Variants in NADSYN1 observed in about 807,000 individuals in gnomAD.
NADSYN1 encodes glutamine-dependent NAD(+) synthetase.
In NADSYN1, 80 loss-of-function variants were observed where a neutral mutation model predicts 99.3. The observed-to-expected ratio is 0.81, with a 90% CI of 0.67 to 0.97. NADSYN1 has a LOEUF of 0.97. Ranked by LOEUF, NADSYN1 falls within the 50% of genes least tolerant of loss-of-function variation. NADSYN1 has a pLI of 0.00. For synonymous variants in NADSYN1, 385 were observed against 372.1 expected (o/e 1.03, Z -0.40); for missense variants, 859 against 948.5 (o/e 0.91, Z 1.24).
Position 71,455,182 on chromosome 11 carries a change from C to G in NADSYN1, c.146+12C>G. On this transcript the variant is annotated intron_variant, in intron 2 of 20. Coordinates refer to ENST00000319023, the MANE Select transcript of NADSYN1 (RefSeq NM_018161.5). ...GAGCTGGAAATATGGTGAGAACAGA[C>G]ACAGACACCCTGGGGTCGTCAGCTA... 6.2e-7 allele frequency: 1 copy of G among 1,610,248 alleles called. No individual in the cohort carries two copies. The highest frequency in any genetic ancestry group is 8.5e-7 in the Non-Finnish European group (1 of 1,178,022).
At chr11:71,495,284 G>A (rs952325163) in intron 18 of NADSYN1, among the ~76,000 whole-genome samples, 14 of 152,200 alleles carry the variant, frequency 9.2e-5, no homozygotes, top group Non-Finnish European at 1.5e-4. Context: ...TTGATCCATT[G>A]ATTATTTAGG....
At chr11:71,462,277 C>G (rs543291685) in intron 3 of NADSYN1, among the ~76,000 whole-genome samples, 1 of 152,194 alleles carries the variant, frequency 6.6e-6, no homozygotes, top group Non-Finnish European at 1.5e-5. Flanking sequence ...CTCTCTGAAG[C>G]CTGCTACTTG....
intron 14 of NADSYN1, among the ~76,000 whole-genome samples, chr11:71,483,836 A>T (rs1298778243): frequency 6.6e-6 from 1 of 152,244 alleles, no homozygotes; most frequent in Non-Finnish European, 1.5e-5. Context: ...GTCCATTCAC[A>T]CGGTGGAATA....
At position 71,481,962 on chromosome 11, in the gene NADSYN1, G is replaced by T. The variant is rs1224501462; in HGVS notation, c.1087G>T (p.Ala363Ser). 1 of 1,606,754 alleles carries T rather than the reference G, an allele frequency of 6.2e-7. No individual in the cohort carries two copies. Among genetic ancestry groups the T allele is most frequent in the African/African-American group, 1.3e-5 (1 of 74,848 alleles). Residue 363 changes from alanine (A) to serine (S), a missense_variant, in exon 13 of 21, where the codon GCA becomes TCA. Ala to Ser is a moderately conservative substitution (Grantham distance 99, BLOSUM62 1). Coordinates refer to ENST00000319023, the MANE Select transcript of NADSYN1 (RefSeq NM_018161.5). ...LLPLSGGVDS[A>S]ATACLIYSMC... Reference sequence around the variant, plus strand: ...GCCCTTGAGTGGCGGGGTGGACAGCGCAGCCACCGCCTGCCTCATCTACTC... The same window carrying T: ...GCCCTTGAGTGGCGGGGTGGACAGCTCAGCCACCGCCTGCCTCATCTACTC...
intron 14 of NADSYN1, 124 bp downstream of exon 14, chr11:71,483,141 T>C: frequency 2.6e-6 from 3 of 1,173,980 alleles, no homozygotes; most frequent in Non-Finnish European, 3.7e-6. Flanking sequence ...ATCCACTATG[T>C]GGATAAACGT....
At chr11:71,474,071 GC>G (rs1949647755) in intron 8 of NADSYN1, among the ~76,000 whole-genome samples, 1 of 152,238 alleles carries the variant, frequency 6.6e-6, no homozygotes, top group African/African-American at 2.4e-5. Context: ...TAGCTGAGCC[GC>G]GTTTGAGTCT....
chr11:71,480,947 C>G, intron 11 of NADSYN1, 68 bp downstream of exon 11: 1 of 1,588,496 alleles, frequency 6.3e-7, no homozygotes, highest in South Asian at 1.1e-5. Flanking sequence ...GTGGGGACTC[C>G]TGGAGGTCAC....
chr11:71,494,491 T>C (rs935556692), intron 18 of NADSYN1, among the ~76,000 whole-genome samples: 5 of 152,190 alleles, frequency 3.3e-5, no homozygotes, highest in Non-Finnish European at 1.5e-5. Context: ...AACGTATCCC[T>C]GTCATTCAGT....
At chr11:71,470,060 A>G (rs538400384) in intron 5 of NADSYN1, among the ~76,000 whole-genome samples, 2 of 152,246 alleles carry the variant, frequency 1.3e-5, no homozygotes, top group South Asian at 2.1e-4. Context: ...GAGGCCTCAC[A>G]ATCACGGCAG....
Position 71,458,834 on chromosome 11 carries a change from G to C in NADSYN1, c.263+290G>C, listed in dbSNP as rs370249705. On this transcript the variant is annotated intron_variant, in intron 3 of 20. Coordinates refer to ENST00000319023, the MANE Select transcript of NADSYN1 (RefSeq NM_018161.5). ...GGGAATGCAGCATTCACCCCACCCCGTGCAGAGAGCTTGACTCACATCACA... is the reference window on the plus strand; with the variant it reads ...GGGAATGCAGCATTCACCCCACCCCCTGCAGAGAGCTTGACTCACATCACA... The C allele has an allele frequency of 1.3e-5, 4 of 318,284 alleles. No individual in the cohort carries two copies. The East Asian group carries it at 2.6e-4, about 21-fold the overall frequency. The allele number at this position is 318,284 out of a possible 1,614,324, so 19.7% of individuals were successfully genotyped here. A position where few individuals can be genotyped will look rare whatever the true frequency, so the allele number is the denominator to read the frequency against.
chr11:71,463,343 G>A, intron 3 of NADSYN1, 89 bp from the exon 4 acceptor site: 1 of 1,179,222 alleles, frequency 8.5e-7, no homozygotes, highest in Non-Finnish European at 1.3e-6. Context: ...AAAGTAAAAT[G>A]CATGATTCCA....
chr11:71,491,102 G>A, intron 17 of NADSYN1, 126 bp downstream of exon 17: 1 of 1,321,516 alleles, frequency 7.6e-7, no homozygotes, highest in Non-Finnish European at 1.0e-6. Context: ...TCCTGCCCCT[G>A]AGCTGGCACT....
At chr11:71,470,529 A>G (rs567339472) in intron 5 of NADSYN1, among the ~76,000 whole-genome samples, 1 of 152,340 alleles carries the variant, frequency 6.6e-6, no homozygotes, top group South Asian at 2.1e-4. Flanking sequence ...ACTCTTTTGC[A>G]TAATATATTT....
At position 71,464,091 on chromosome 11, in the gene NADSYN1, A is replaced by G. The variant is rs745591894; in HGVS notation, c.356A>G (p.Asn119Ser). The G allele has an allele frequency of 2.4e-5, 38 of 1,612,754 alleles. No individual in the cohort carries two copies. The highest frequency in any genetic ancestry group is 3.1e-5 in the Non-Finnish European group (36 of 1,179,562). The change falls in exon 5 of 21, where the codon AAT becomes AGT. Residue 119 changes from asparagine (N) to serine (S), a missense_variant. Asn to Ser is a conservative substitution (Grantham distance 46). Coordinates refer to ENST00000319023, the MANE Select transcript of NADSYN1 (RefSeq NM_018161.5). ...ATCAGACCCAAGATGGCCTTGGCCA[A>G]TGAAGGCAACTACCGCGAGCTGCGC... is the stretch of plus-strand genomic sequence containing the variant. Reference protein sequence around the residue: ...LLIRPKMALANEGNYRELRWF... With the variant: ...LLIRPKMALASEGNYRELRWF...
chr11:71,458,722 TC>T lies in NADSYN1; in HGVS notation c.263+182del, dbSNP rs150768469. On this transcript the variant is annotated intron_variant, in intron 3 of 20. Transcript: ENST00000319023. ...TCTCAGCCCCGTAAGCCACCTCATT[TC>T]CCCTGCAAGGAGGGAGCTCCTGAAA... 2.7e-3 allele frequency: 1,555 copies of T among 566,592 alleles called. 25 individuals carry two copies. The highest frequency in any genetic ancestry group is 0.026 in the African/African-American group (1,383 of 53,380). The allele number at this position is 566,592 out of a possible 1,614,324, so 35.1% of individuals were successfully genotyped here.
At chr11:71,469,525 A>G (rs988191934) in intron 5 of NADSYN1, among the ~76,000 whole-genome samples, 37 of 152,232 alleles carry the variant, frequency 2.4e-4, no homozygotes, top group Non-Finnish European at 3.7e-4. Context: ...ACAGCAAGCC[A>G]GTGATAAGCA....
intron 10 of NADSYN1, 89 bp downstream of exon 10, chr11:71,478,558 G>T: frequency 8.3e-7 from 1 of 1,202,618 alleles, no homozygotes; most frequent in East Asian, 2.6e-5. Flanking sequence ...AGGCCGTGAG[G>T]GTGCAGTGCC....
chr11:71,500,995 G>A (rs915994554), intron 20 of NADSYN1, among the ~76,000 whole-genome samples: 2 of 152,180 alleles, frequency 1.3e-5, no homozygotes, highest in African/African-American at 4.8e-5. Flanking sequence ...GTACTCAGGG[G>A]CGGGCTCCCC....
At chr11:71,470,429 G>A (rs945221130) in intron 5 of NADSYN1, among the ~76,000 whole-genome samples, 1 of 152,272 alleles carries the variant, frequency 6.6e-6, no homozygotes, top group Admixed American at 6.5e-5. Context: ...TGGGGGCTCG[G>A]AGGTCCAGGC....
Sources: allele counts gnomAD v4.1 joint callset (sites outside exome capture counted in the v4.1 genomes callset), GRCh38; gene constraint gnomAD v4.1.1; transcripts MANE v1.5; gene names NCBI Gene and HGNC (gene_info 2026-07-23, HGNC 2026-07-21).